SLC4A4: variants seen among roughly 807,000 people sequenced by gnomAD.
SLC4A4 encodes electrogenic sodium bicarbonate cotransporter 1.
SLC4A4 carries 27 observed loss-of-function variants against 111.5 expected under a neutral mutation model. The ratio of observed to expected loss-of-function variants is 0.24; its 90% confidence interval spans 0.18 to 0.33. The LOEUF (loss-of-function observed/expected upper bound fraction) is 0.33. Among genes scored for constraint, SLC4A4 ranks in the 10% least tolerant of loss-of-function variants. The pLI is 1.00. For synonymous variants in SLC4A4, 443 were observed against 463.4 expected, an observed-to-expected ratio of 0.96 and a Z score of 0.57; for missense variants, 909 against 1,315.5, an observed-to-expected ratio of 0.69 and a Z score of 4.78.
At chr4:71,445,762 TA>T (rs1725169173) in intron 8 of SLC4A4, among the ~76,000 whole-genome samples, 2 of 152,350 alleles carry the variant, frequency 1.3e-5, no homozygotes, top group Middle Eastern at 6.8e-3. Context: ...CTTTAATCAT[TA>T]AATATATTTT....
intron 1 of SLC4A4, among the ~76,000 whole-genome samples, chr4:71,221,929 C>G (rs1578618876): frequency 6.6e-6 from 1 of 152,184 alleles, no homozygotes; most frequent in African/African-American, 2.4e-5. Flanking sequence ...TCTGATCCAG[C>G]AGACCCCACC....
chr4:71,124,236 G>A (rs899998392), intron 2 of SLC4A4, among the ~76,000 whole-genome samples: 25 of 147,748 alleles, frequency 1.7e-4, no homozygotes, highest in African/African-American at 4.5e-4. Context: ...GCAGTGGTGC[G>A]ATCTCAGCTC....
chr4:71,537,354 G>GTA (rs570955992), intron 18 of SLC4A4, among the ~76,000 whole-genome samples: 2 of 149,146 alleles, frequency 1.3e-5, no homozygotes, highest in African/African-American at 5.1e-5. Context: ...ACATATATGT[G>GTA]TATATATACA....
intron 2 of SLC4A4, among the ~76,000 whole-genome samples, chr4:71,147,404 G>A (rs1744204566): frequency 6.6e-6 from 1 of 152,044 alleles, no homozygotes; most frequent in Non-Finnish European, 1.5e-5. Flanking sequence ...GGTGGTTCAT[G>A]ATGGTCAGTG....
rs16846472 is a variant in SLC4A4 at position 71,492,579 on chromosome 4, C to G, written c.1975-4922C>G. 8.0e-3 allele frequency among the ~76,000 whole-genome samples: 1,223 copies of G among 152,090 alleles called. 14 individuals are homozygous for G. The highest frequency in any genetic ancestry group is 0.028 in the African/African-American group (1,147 of 41,530). On this transcript the variant is annotated intron_variant, in intron 15 of 25. Transcript: ENST00000264485. ...TGGTCTATCCGCTGTTAGATCCCCA[C>G]ACAGGTGAGCATTCAGTAAGTCTTT...
chr4:71,528,632 C>T (rs1400806028), intron 16 of SLC4A4, among the ~76,000 whole-genome samples: 1 of 151,856 alleles, frequency 6.6e-6, no homozygotes, highest in Admixed American at 6.6e-5. Context: ...AGGAAACAGT[C>T]TTATATATAT....
chr4:71,424,609 A>G (rs1577865961), intron 7 of SLC4A4, among the ~76,000 whole-genome samples: 2 of 152,172 alleles, frequency 1.3e-5, no homozygotes, highest in East Asian at 3.8e-4. Context: ...CAACAATGAT[A>G]GACTGAATTA....
intron 3 of SLC4A4, among the ~76,000 whole-genome samples, chr4:71,309,745 G>T (rs186992246): frequency 1.4e-3 from 218 of 152,248 alleles, no homozygotes; most frequent in Non-Finnish European, 2.6e-3. Context: ...CAAAAATGCT[G>T]AAAATTCCCA....
At chr4:71,234,526 A>G (rs765986035) in intron 1 of SLC4A4, among the ~76,000 whole-genome samples, 10 of 152,140 alleles carry the variant, frequency 6.6e-5, no homozygotes, top group Non-Finnish European at 1.3e-4. Flanking sequence ...CCTGGGTTCA[A>G]GTTATCCTCC....
intron 2 of SLC4A4, among the ~76,000 whole-genome samples, chr4:71,129,215 T>C (rs1433954612): frequency 6.6e-6 from 1 of 152,088 alleles, no homozygotes. Flanking sequence ...AAACCATGCA[T>C]CCTACAAAGG....
chr4:71,558,373 A>G (rs1270929613), intron 22 of SLC4A4, among the ~76,000 whole-genome samples: 1 of 151,946 alleles, frequency 6.6e-6, no homozygotes. Flanking sequence ...ATGGAGTGAG[A>G]AGTTCACTTT....
chr4:71,158,904 G>A (rs147879295), intron 2 of SLC4A4, among the ~76,000 whole-genome samples: 4 of 152,200 alleles, frequency 2.6e-5, no homozygotes, highest in South Asian at 4.2e-4. Context: ...CTGAAGTGGC[G>A]TATCCCTTTA....
intron 6 of SLC4A4, among the ~76,000 whole-genome samples, chr4:71,383,171 A>G (rs1482780578): frequency 6.6e-6 from 1 of 152,176 alleles, no homozygotes; most frequent in African/African-American, 2.4e-5. Context: ...ATTGCCTTCA[A>G]ATCAGAATGA....
At chr4:71,409,913 G>T (rs1248674849) in intron 7 of SLC4A4, among the ~76,000 whole-genome samples, 2 of 152,236 alleles carry the variant, frequency 1.3e-5, no homozygotes, top group Non-Finnish European at 2.9e-5. Flanking sequence ...GTGGCTGAAA[G>T]GGGCCAATGT....
intron 1 of SLC4A4, among the ~76,000 whole-genome samples, chr4:71,089,663 T>C (rs1185855831): frequency 6.6e-6 from 1 of 151,994 alleles, no homozygotes; most frequent in African/African-American, 2.4e-5. Context: ...GGAGGTCCAA[T>C]ACAGACCCTG....
At chr4:71,279,716 G>C (rs1375937424) in intron 3 of SLC4A4, among the ~76,000 whole-genome samples, 2 of 152,124 alleles carry the variant, frequency 1.3e-5, no homozygotes, top group Non-Finnish European at 2.9e-5. Flanking sequence ...TTCTATAATG[G>C]CTGTCTAATT....
chr4:71,320,073 A>T (rs1727000210), intron 3 of SLC4A4, among the ~76,000 whole-genome samples: 1 of 152,014 alleles, frequency 6.6e-6, no homozygotes, highest in African/African-American at 2.4e-5. Context: ...TGGGGGAAGG[A>T]TTGGAGGGTC....
At chr4:71,088,101 C>A (rs1368988964) in intron 1 of SLC4A4, among the ~76,000 whole-genome samples, 1 of 151,920 alleles carries the variant, frequency 6.6e-6, no homozygotes, top group Non-Finnish European at 1.5e-5. Context: ...GTATTGGGTG[C>A]ATATATATTT....
At chr4:71,223,138 C>G (rs1160771388) in intron 1 of SLC4A4, among the ~76,000 whole-genome samples, 1 of 151,862 alleles carries the variant, frequency 6.6e-6, no homozygotes, top group South Asian at 2.1e-4. Context: ...ATCCCAGGTT[C>G]CTAGAGTTTT....
Sources: gnomAD v4.1 joint callset for allele counts (sites outside exome capture counted in the v4.1 genomes callset) on GRCh38, gnomAD v4.1.1 for gene constraint, MANE v1.5 for transcripts, NCBI Gene and HGNC (gene_info 2026-07-23, HGNC 2026-07-21) for gene names.